The following CLEC4F variants were observed in gnomAD, a reference collection of about 807,000 sequenced individuals.
CLEC4F encodes the protein C-type lectin domain family 4 member F.
Under a neutral mutation model 53.4 loss-of-function variants are expected in CLEC4F, and 45 were observed. The observed-to-expected ratio is 0.84, with a 90% CI of 0.66 to 1.08. The LOEUF is 1.08. CLEC4F is among the 50% of genes least tolerant of loss of function. The pLI is 0.00. For missense variants in CLEC4F, 753 were observed against 698.2 expected, an observed-to-expected ratio of 1.08 and a Z score of -0.88; for synonymous variants, 245 against 257.5, an observed-to-expected ratio of 0.95 and a Z score of 0.46.
chr2:70,816,659 T>A lies in CLEC4F; in HGVS notation c.722A>T (p.Gln241Leu). ...GTTCTTTAAACTGCTATTGGCTAACTGAGCCTGGGTATTTGCCGTTTCCAA... is the reference window on the plus strand; with the variant it reads ...GTTCTTTAAACTGCTATTGGCTAACAGAGCCTGGGTATTTGCCGTTTCCAA... ...ASLETANTQA[Q>L]LANSSLKNAN... The change falls in exon 4 of 7, where the codon CAG becomes CTG. Residue 241 changes from glutamine to leucine, a missense_variant. Physicochemically the swap from Gln to Leu is moderately radical, Grantham distance 113 (BLOSUM62 -2). Transcript: ENST00000272367. The A allele has an allele frequency of 6.2e-7, 1 of 1,614,254 alleles. No individual in the cohort carries two copies.
chr2:70,813,511 T>TTTTCTTTCTTTCTTTCTTTCTTTC (rs145244559), intron 4 of CLEC4F, among the ~76,000 whole-genome samples: 15 of 144,868 alleles, frequency 1.0e-4, no homozygotes, highest in African/African-American at 3.6e-4. Context: ...TCTTTCTTTC[T>TTTTCTTTCTTTCTTTCTTTCTTTC]TTTCTTTCTT....
At chr2:70,814,626 G>A (rs1247885355) in intron 4 of CLEC4F, among the ~76,000 whole-genome samples, 6 of 152,232 alleles carry the variant, frequency 3.9e-5, no homozygotes, top group Non-Finnish European at 5.9e-5. Context: ...TATTATGAGC[G>A]TAGCCATGCT....
Position 70,812,594 on chromosome 2 carries a change from C to G in CLEC4F, c.1392G>C (p.Gln464His), listed in dbSNP as rs1676628755. Residue 464 changes from glutamine (Q) to histidine (H), a missense_variant, in exon 5 of 7, where the codon CAG becomes CAC. Coordinates refer to ENST00000272367, the MANE Select transcript of CLEC4F (RefSeq NM_173535.3). ...SQEQLQRTQSQLLQMVLQGWK... is the reference protein window; with the variant it reads ...SQEQLQRTQSHLLQMVLQGWK... ...AGCCTTGCAGGACCATCTGGAGAAGCTGACCTGGAGCAAAGATTGGGGAGA... is the reference window on the plus strand; with the variant it reads ...AGCCTTGCAGGACCATCTGGAGAAGGTGACCTGGAGCAAAGATTGGGGAGA... 5.0e-6 allele frequency: 8 copies of G among 1,613,944 alleles called. No homozygotes were observed. The highest frequency in any genetic ancestry group is 6.8e-6 in the Non-Finnish European group (8 of 1,179,990).
chr2:70,817,489 C>T (rs1312641455), intron 3 of CLEC4F, among the ~76,000 whole-genome samples: 1 of 152,154 alleles, frequency 6.6e-6, no homozygotes, highest in African/African-American at 2.4e-5. Flanking sequence ...TTTAATTTTA[C>T]TGGAATTTCA....
At chr2:70,811,647 A>G (rs569114568) in intron 5 of CLEC4F, among the ~76,000 whole-genome samples, 97 of 152,310 alleles carry the variant, frequency 6.4e-4, no homozygotes, top group African/African-American at 2.3e-3. Context: ...GCAAGTTCTG[A>G]TAAGGACCAC....
At position 70,816,618 on chromosome 2, in the gene CLEC4F, A is replaced by C. The variant is rs1487781797; in HGVS notation, c.763T>G (p.Tyr255Asp). ...SSLKNANAEI[Y>D]VLRGHLDSVN... ...CTATCTAGATGGCCTCTCAAAACAT[A>C]GATCTCAGCATTAGCGTTCTTTAAA... Residue 255 changes from tyrosine to aspartate, a missense_variant, in exon 4 of 7, where the codon TAT becomes GAT. Tyr to Asp is a radical substitution (Grantham distance 160, BLOSUM62 -3). Coordinates refer to ENST00000272367, the MANE Select transcript of CLEC4F (RefSeq NM_173535.3). 6.2e-7 allele frequency: 1 copy of C among 1,614,000 alleles called. No individual in the cohort carries two copies. Among genetic ancestry groups the C allele is most frequent in the Non-Finnish European group, 8.5e-7 (1 of 1,180,034 alleles).
At chr2:70,809,419 C>A in intron 6 of CLEC4F, 37 bp from the exon 7 acceptor site, 1 of 1,562,076 alleles carries the variant, frequency 6.4e-7, no homozygotes, top group Non-Finnish European at 8.7e-7. Context: ...GAAAGACCCA[C>A]TCACTGGCTG....
chr2:70,816,075 T>G lies in CLEC4F; in HGVS notation c.1306A>C (p.Met436Leu). ...GDLENTKALTMEIQQEQSRLK... is the reference protein window; with the variant it reads ...GDLENTKALTLEIQQEQSRLK... ...CGACTCTGCTCCTGCTGGATTTCCA[T>G]GGTTAGAGCTTTGGTGTTCTCTAGA... Residue 436 changes from methionine (M) to leucine (L), a missense_variant, in exon 4 of 7, where the codon ATG becomes CTG. Transcript: ENST00000272367. The G allele has an allele frequency of 6.2e-7, 1 of 1,614,230 alleles. No homozygotes were observed. Among genetic ancestry groups the G allele is most frequent in the Non-Finnish European group, 8.5e-7 (1 of 1,180,040 alleles).
In CLEC4F at chr2:70,809,314, C is replaced by A. The variant is rs550465148; in HGVS notation, c.1727G>T (p.Ser576Ile). ...IIVNSGMGACSFIDTPPCPWI... is the reference protein window; with the variant it reads ...IIVNSGMGACIFIDTPPCPWI... ...GGGACAGGGAGGGGTGTCTATGAAG[C>A]TGCAAGCTCCCATCCCAGAATTCAC... is the stretch of plus-strand genomic sequence containing the variant. The change falls in exon 7 of 7, where the codon AGC (serine) becomes ATC (isoleucine). Residue 576 changes from serine (S) to isoleucine (I), a missense_variant. Physicochemically the swap from Ser to Ile is moderately radical, Grantham distance 142 (BLOSUM62 -2). Coordinates refer to ENST00000272367, the MANE Select transcript of CLEC4F (RefSeq NM_173535.3). 1 of 1,613,972 alleles carries A rather than the reference C, an allele frequency of 6.2e-7. No homozygotes were observed. The highest frequency in any genetic ancestry group is 8.5e-7 in the Non-Finnish European group (1 of 1,179,970).
chr2:70,816,783 A>T lies in CLEC4F; in HGVS notation c.598T>A (p.Phe200Ile), dbSNP rs782576049. ...GTGTTTTCTAAACTGCTTTTTAAGAAATTCAGCGTCTGGAAAGTTAAAGCA... is the reference window on the plus strand; with the variant it reads ...GTGTTTTCTAAACTGCTTTTTAAGATATTCAGCGTCTGGAAAGTTAAAGCA... ...ADALTFQTLN[F>I]LKSSLENTSI... is the part of the protein sequence containing the mutation. The change falls in exon 4 of 7, where the codon TTC (phenylalanine) becomes ATC (isoleucine). Residue 200 changes from phenylalanine to isoleucine, a missense_variant. Transcript: ENST00000272367. 18 of 1,613,972 alleles carry T rather than the reference A, an allele frequency of 1.1e-5. No homozygotes were observed. In the Admixed American group the frequency reaches 3.0e-4, roughly 27 times the overall value.
At position 70,816,791 on chromosome 2, in the gene CLEC4F, G is replaced by A. The variant is rs149379407; in HGVS notation, c.590C>T (p.Thr197Met). The A allele has an allele frequency of 5.6e-5, 90 of 1,614,056 alleles. No homozygotes were observed. Among genetic ancestry groups the A allele is most frequent in the African/African-American group, 4.9e-4 (37 of 74,998 alleles). The change falls in exon 4 of 7, where the codon ACG becomes ATG. Residue 197 changes from threonine to methionine, a missense_variant. Coordinates refer to ENST00000272367, the MANE Select transcript of CLEC4F (RefSeq NM_173535.3). ...TAAACTGCTTTTTAAGAAATTCAGC[G>A]TCTGGAAAGTTAAAGCATCTGCCTT... ...LEKADALTFQ[T>M]LNFLKSSLEN...
At chr2:70,811,627 A>T (rs1676569878) in intron 5 of CLEC4F, among the ~76,000 whole-genome samples, 1 of 152,178 alleles carries the variant, frequency 6.6e-6, no homozygotes, top group South Asian at 2.1e-4. Flanking sequence ...GTTCTTTGTT[A>T]GTAATCCTGG....
Position 70,816,084 on chromosome 2 carries a change from C to G in CLEC4F, c.1297G>C (p.Ala433Pro), listed in dbSNP as rs782366935. The G allele has an allele frequency of 3.7e-6, 6 of 1,614,092 alleles. No homozygotes were observed. In the Admixed American group the frequency reaches 1.0e-4, roughly 27 times the overall value. ...RLRGDLENTK[A>P]LTMEIQQEQS... ...TCCTGCTGGATTTCCATGGTTAGAG[C>G]TTTGGTGTTCTCTAGATCCCCTCTT... Residue 433 changes from alanine (A) to proline (P), a missense_variant, in exon 4 of 7, where the codon GCT (alanine) becomes CCT (proline). Physicochemically the swap from Ala to Pro is conservative, Grantham distance 27. Coordinates refer to ENST00000272367, the MANE Select transcript of CLEC4F (RefSeq NM_173535.3).
chr2:70,818,240 A>G (rs183171463), intron 3 of CLEC4F, among the ~76,000 whole-genome samples: 11 of 152,362 alleles, frequency 7.2e-5, no homozygotes, highest in African/African-American at 2.6e-4. Context: ...AAACAAATCA[A>G]TGCGACAGAA....
intron 5 of CLEC4F, chr2:70,811,124 CTT>C (rs1441793942): frequency 3.2e-5 from 22 of 688,690 alleles, no homozygotes; most frequent in Non-Finnish European, 5.6e-5. Context: ...GCACGACACT[CTT>C]TTGGAGTTTT....
In CLEC4F at chr2:70,809,871, G is replaced by A; in HGVS notation, c.1540-14C>T. 6.3e-7 allele frequency: 1 copy of A among 1,589,292 alleles called. No homozygotes were observed. Among genetic ancestry groups the A allele is most frequent in the Admixed American group, 1.7e-5 (1 of 59,978 alleles). ...TACCAGAAATGCCTGCAGAGAAAAG[G>A]CAGTGTCAGTTTGCCCCTGTGTGTG... On this transcript the variant is annotated splice_polypyrimidine_tract_variant and intron_variant, in intron 5 of 6. Transcript: ENST00000272367.
Position 70,816,566 on chromosome 2 carries a change from T to A in CLEC4F, c.815A>T (p.Gln272Leu). 2 of 1,614,146 alleles carry A rather than the reference T, an allele frequency of 1.2e-6. No homozygotes were observed. Among genetic ancestry groups the A allele is most frequent in the Non-Finnish European group, 8.5e-7 (1 of 1,180,030 alleles). Residue 272 changes from glutamine to leucine, a missense_variant, in exon 4 of 7, where the codon CAG (glutamine) becomes CTG (leucine). Gln to Leu is a moderately radical substitution (Grantham distance 113). Coordinates refer to ENST00000272367, the MANE Select transcript of CLEC4F (RefSeq NM_173535.3). ...TCCTTCCAAACTATTTCTTAAAACC[T>A]GGTTCTGGGTCCTCAAGTCATTGAC... Reference protein sequence around the residue: ...DSVNDLRTQNQVLRNSLEGAN... With the variant: ...DSVNDLRTQNLVLRNSLEGAN...
At chr2:70,812,348 G>T in intron 5 of CLEC4F, 99 bp downstream of exon 5, 1 of 1,299,054 alleles carries the variant, frequency 7.7e-7, no homozygotes. Context: ...GAGACATGGA[G>T]GTCTCCGTCA....
intron 6 of CLEC4F, 54 bp from the exon 7 acceptor site, chr2:70,809,436 A>C: frequency 6.5e-7 from 1 of 1,532,866 alleles, no homozygotes; most frequent in East Asian, 2.3e-5. Flanking sequence ...GCTGCATGCC[A>C]GCCTCAGGAC....
Sources: allele counts gnomAD v4.1 joint callset (sites outside exome capture counted in the v4.1 genomes callset), GRCh38; gene constraint gnomAD v4.1.1; transcripts MANE v1.5; gene names NCBI Gene and HGNC (gene_info 2026-07-23, HGNC 2026-07-21).